The following RBFOX1 variants were observed in gnomAD, a reference collection of about 807,000 sequenced individuals.
RBFOX1 encodes RNA binding fox-1 homolog 1, also known as RNA binding protein fox-1 homolog 1.
A neutral mutation model predicts 57.7 loss-of-function variants in RBFOX1; 8 were observed. The ratio of observed to expected loss-of-function variants is 0.14; its 90% CI spans 0.08 to 0.25. RBFOX1 has a LOEUF of 0.25. Ranked by LOEUF, RBFOX1 falls within the 10% of genes least tolerant of loss-of-function variation. The pLI is 1.00. For synonymous variants in RBFOX1, 326 were observed against 222.4 expected (o/e 1.47, Z -4.15); for missense variants, 611 against 548.5 (o/e 1.11, Z -1.14).
At chr16:5,585,891 C>T (rs986153174) in intron 2 of RBFOX1, among the ~76,000 whole-genome samples, 4 of 152,096 alleles carry the variant, frequency 2.6e-5, no homozygotes, top group African/African-American at 9.7e-5. Context: ...AATAGTGGCT[C>T]CCAAAAGATT....
intron 3 of RBFOX1, among the ~76,000 whole-genome samples, chr16:5,742,517 A>G (rs2151594892): frequency 6.6e-6 from 1 of 152,274 alleles, no homozygotes; most frequent in East Asian, 1.9e-4. Flanking sequence ...AAGGAGAGAA[A>G]CAAGCCCGAT....
chr16:6,256,768 C>T (rs9925089), intron 1 of RBFOX1, among the ~76,000 whole-genome samples: 136,533 of 151,760 alleles, frequency 0.9, 62,522 homozygotes, highest in Non-Finnish European at 0.99. Flanking sequence ...CAAAAATGTC[C>T]CCAGACATTG....
At chr16:5,823,610 C>A (rs1353061820) in intron 3 of RBFOX1, among the ~76,000 whole-genome samples, 2 of 152,084 alleles carry the variant, frequency 1.3e-5, no homozygotes, top group Admixed American at 1.3e-4. Flanking sequence ...ACAGCCACTC[C>A]CCATCACTCA....
At chr16:5,434,221 T>G (rs1318889841) in intron 1 of RBFOX1, among the ~76,000 whole-genome samples, 1 of 151,748 alleles carries the variant, frequency 6.6e-6, no homozygotes, top group Non-Finnish European at 1.5e-5. Context: ...TGGAGAAGGA[T>G]GAGGCCTTAG....
At chr16:5,997,353 T>C (rs1040950693) in intron 4 of RBFOX1, among the ~76,000 whole-genome samples, 1 of 152,216 alleles carries the variant, frequency 6.6e-6, no homozygotes, top group African/African-American at 2.4e-5. Context: ...TAGGGCAAGG[T>C]ACTTTGGTTT....
intron 3 of RBFOX1, among the ~76,000 whole-genome samples, chr16:6,867,652 G>A (rs891520527): frequency 3.9e-5 from 6 of 152,166 alleles, no homozygotes; most frequent in African/African-American, 7.2e-5. Context: ...CCGGGAGGCA[G>A]AGGTTGCAGT....
chr16:5,692,518 G>A (rs1291036777), intron 3 of RBFOX1, among the ~76,000 whole-genome samples: 1 of 152,154 alleles, frequency 6.6e-6, no homozygotes, highest in East Asian at 1.9e-4. Flanking sequence ...AAGACCCTGA[G>A]TAGAGAAAGT....
At chr16:6,943,664 C>A (rs1338652675) in intron 3 of RBFOX1, among the ~76,000 whole-genome samples, 1 of 149,682 alleles carries the variant, frequency 6.7e-6, no homozygotes, top group South Asian at 2.1e-4. Flanking sequence ...GCCAAGATTG[C>A]GTCACTGCAC....
intron 3 of RBFOX1, among the ~76,000 whole-genome samples, chr16:6,712,107 A>G (rs748316140): frequency 1.3e-5 from 2 of 152,198 alleles, no homozygotes; most frequent in Non-Finnish European, 2.9e-5. Context: ...GACTTATTAG[A>G]GAGGCTTAAC....
At chr16:7,128,117 A>C (rs1288144943) in intron 4 of RBFOX1, among the ~76,000 whole-genome samples, 1 of 152,206 alleles carries the variant, frequency 6.6e-6, no homozygotes, top group Non-Finnish European at 1.5e-5. Flanking sequence ...TTTCTATGAA[A>C]TGGACAGCCC....
chr16:6,823,475 T>G (rs1356800299), intron 3 of RBFOX1, among the ~76,000 whole-genome samples: 1 of 152,110 alleles, frequency 6.6e-6, no homozygotes, highest in Non-Finnish European at 1.5e-5. Flanking sequence ...CACGCTAGTC[T>G]CAAACTACTG....
chr16:6,377,898 C>T (rs1436943520), intron 2 of RBFOX1, among the ~76,000 whole-genome samples: 1 of 152,186 alleles, frequency 6.6e-6, no homozygotes, highest in Non-Finnish European at 1.5e-5. Context: ...GCCGGGAAAA[C>T]TCTGCCCCAC....
intron 4 of RBFOX1, among the ~76,000 whole-genome samples, chr16:5,980,269 C>T (rs2060145716): frequency 6.6e-6 from 1 of 152,232 alleles, no homozygotes; most frequent in Admixed American, 6.5e-5. Context: ...GACTCCTTCC[C>T]TCCAGCAGGA....
At chr16:7,201,011 A>G (rs1008613097) in intron 4 of RBFOX1, among the ~76,000 whole-genome samples, 6 of 152,216 alleles carry the variant, frequency 3.9e-5, no homozygotes, top group African/African-American at 9.7e-5. Context: ...TTAAGCCACC[A>G]TTATTTGGGG....
chr16:5,286,357 G>A (rs1253426124), intron 1 of RBFOX1, among the ~76,000 whole-genome samples: 2 of 152,134 alleles, frequency 1.3e-5, no homozygotes, highest in Non-Finnish European at 2.9e-5. Flanking sequence ...AGTTCTCCAG[G>A]TGATGTGTGC....
At chr16:5,721,939 G>A (rs1029945804) in intron 3 of RBFOX1, among the ~76,000 whole-genome samples, 1 of 152,192 alleles carries the variant, frequency 6.6e-6, no homozygotes, top group Admixed American at 6.5e-5. Context: ...CCTTTATTGA[G>A]GGGAGAAAGC....
At chr16:6,069,034 G>T (rs1482058564) in intron 1 of RBFOX1, among the ~76,000 whole-genome samples, 1 of 152,072 alleles carries the variant, frequency 6.6e-6, no homozygotes, top group African/African-American at 2.4e-5. Flanking sequence ...TGAAGGAAGG[G>T]AGAAAGGAAG....
rs557316374 is a variant in RBFOX1 at position 5,306,315 on chromosome 16, C to G, written c.219+66210C>G. ...ACTCCCTTTCCAAGGAAGAGGTCTT[C>G]TAGAATTCTTTTTTTTTTTTTGAGA... On this transcript the variant is annotated intron_variant, in intron 1 of 2. Coordinates refer to the RBFOX1 transcript ENST00000585867. Among the ~76,000 whole-genome samples the G allele has an allele frequency of 1.4e-3, 187 of 136,628 alleles. 2 individuals are homozygous for G. The highest frequency in any genetic ancestry group is 3.8e-3 in the East Asian group (17 of 4,448). 89.6% of individuals were successfully genotyped at this position (136,628 alleles called of 152,430 possible). A position where few individuals can be genotyped will look rare whatever the true frequency, so the allele number is the denominator to read the frequency against.
At chr16:6,140,103 T>C (rs2096703846) in intron 1 of RBFOX1, among the ~76,000 whole-genome samples, 1 of 152,324 alleles carries the variant, frequency 6.6e-6, no homozygotes, top group African/African-American at 2.4e-5. Flanking sequence ...CAGAAGAGAA[T>C]CAAGTCTTCT....
Sources: allele counts gnomAD v4.1 joint callset (sites outside exome capture counted in the v4.1 genomes callset), GRCh38; gene constraint gnomAD v4.1.1; transcripts MANE v1.5; gene names NCBI Gene and HGNC (gene_info 2026-07-23, HGNC 2026-07-21).